FARS2: variants seen among roughly 807,000 people sequenced by gnomAD.
FARS2 encodes phenylalanine--tRNA ligase, mitochondrial.
FARS2 carries 40 observed loss-of-function variants against 46.4 expected under a neutral mutation model. That is an observed-to-expected ratio of 0.86 (90% CI 0.67 to 1.12). The LOEUF (loss-of-function observed/expected upper bound fraction) is 1.12. Among genes scored for constraint, FARS2 ranks in the 50% most tolerant of loss-of-function variants. FARS2 has a pLI of 0.00. For synonymous variants in FARS2, 234 were observed against 214.9 expected (o/e 1.09, Z -0.78); for missense variants, 513 against 567.9 (o/e 0.90, Z 0.98).
chr6:5,419,058 A>G (rs1440921532), intron 3 of FARS2, among the ~76,000 whole-genome samples: 1 of 151,714 alleles, frequency 6.6e-6, no homozygotes, highest in Admixed American at 6.6e-5. Flanking sequence ...TTATATTCTT[A>G]CATCTCTCTC....
intron 5 of FARS2, among the ~76,000 whole-genome samples, chr6:5,585,697 T>A (rs1773575047): frequency 1.3e-5 from 2 of 151,768 alleles, no homozygotes; most frequent in Admixed American, 6.6e-5. Context: ...AATATCCCAT[T>A]ATATATAATA....
At chr6:5,525,705 A>T (rs1769421450) in intron 4 of FARS2, among the ~76,000 whole-genome samples, 1 of 152,272 alleles carries the variant, frequency 6.6e-6, no homozygotes, top group African/African-American at 2.4e-5. Context: ...TGCCCTTAAG[A>T]TACTTGGGAA....
chr6:5,429,889 C>T (rs1289637689), intron 3 of FARS2, among the ~76,000 whole-genome samples: 1 of 151,238 alleles, frequency 6.6e-6, no homozygotes, highest in East Asian at 1.9e-4. Context: ...GGCACAGTGG[C>T]CCAGTCACCT....
In FARS2 at chr6:5,675,199, G is replaced by GACACACAC. The variant is rs3057239; in HGVS notation, c.1217+61912_1217+61919dup. Among the ~76,000 whole-genome samples, 457 of 145,056 alleles carry GACACACAC rather than the reference G, an allele frequency of 3.2e-3. 2 individuals are homozygous for GACACACAC. Among genetic ancestry groups the GACACACAC allele is most frequent in the African/African-American group, 0.01 (406 of 39,074 alleles). On this transcript the variant is annotated intron_variant, in intron 6 of 6. Coordinates refer to ENST00000274680, the MANE Select transcript of FARS2 (RefSeq NM_006567.5). ...TAAAAATGCGTTATATTTGCAGATA[G>GACACACAC]ACACACACACACACACACACACACA...
At chr6:5,439,326 GACT>G (rs1412159110) in intron 4 of FARS2, among the ~76,000 whole-genome samples, 1 of 152,180 alleles carries the variant, frequency 6.6e-6, no homozygotes, top group Non-Finnish European at 1.5e-5. Flanking sequence ...CATACCCTCA[GACT>G]CCTCAACTCG....
chr6:5,269,291 G>A (rs1765776376), intron 1 of FARS2, among the ~76,000 whole-genome samples: 1 of 148,748 alleles, frequency 6.7e-6, no homozygotes, highest in Admixed American at 6.8e-5. Context: ...TGAACAACGA[G>A]AACACTTGGA....
intron 3 of FARS2, among the ~76,000 whole-genome samples, chr6:5,429,308 A>C (rs1260863405): frequency 6.6e-6 from 1 of 152,242 alleles, no homozygotes; most frequent in Non-Finnish European, 1.5e-5. Flanking sequence ...GTAAACAGAA[A>C]TCAGTTGACA....
chr6:5,658,111 C>T (rs1231593649), intron 6 of FARS2, among the ~76,000 whole-genome samples: 1 of 152,084 alleles, frequency 6.6e-6, no homozygotes. Context: ...ACAAAGTTTG[C>T]TGGGCGTGGT....
intron 4 of FARS2, among the ~76,000 whole-genome samples, chr6:5,441,683 T>G (rs1445884358): frequency 1.3e-5 from 2 of 152,248 alleles, no homozygotes; most frequent in Non-Finnish European, 2.9e-5. Context: ...GATTTTCTTT[T>G]TGCTATTACA....
Position 5,493,326 on chromosome 6 carries a change from C to T in FARS2, c.905-51854C>T, listed in dbSNP as rs114604702. 9.5e-3 allele frequency among the ~76,000 whole-genome samples: 1,451 copies of T among 152,172 alleles called. 26 individuals carry two copies. Among genetic ancestry groups the T allele is most frequent in the African/African-American group, 0.032 (1,336 of 41,498 alleles). ...TCATTCTCATTTATTCCTCTTTTCT[C>T]CACTTAGAATTTAACATTCTAGAAG... On this transcript the variant is annotated intron_variant, in intron 4 of 6. Transcript: ENST00000274680.
chr6:5,492,747 A>C (rs1233907790), intron 4 of FARS2, among the ~76,000 whole-genome samples: 1 of 152,262 alleles, frequency 6.6e-6, no homozygotes, highest in Non-Finnish European at 1.5e-5. Flanking sequence ...CTCATATTCC[A>C]GGGAGTCCCA....
At position 5,369,169 on chromosome 6, in the gene FARS2, T is replaced by C; in HGVS notation, c.599T>C (p.Phe200Ser). Residue 200 changes from phenylalanine to serine, a missense_variant, in exon 2 of 7, where the codon TTC (phenylalanine) becomes TCC (serine). Phe to Ser is a radical substitution (Grantham distance 155, BLOSUM62 -2). Coordinates refer to ENST00000274680, the MANE Select transcript of FARS2 (RefSeq NM_006567.5). ...CACCAGCTGGAGGCCGTGCGGCTCT[T>C]CTCCAAGCATGAGGTGAGTCTTGAG... ...IFHQLEAVRL[F>S]SKHELFAGIK... is the part of the protein sequence containing the mutation. 1 of 1,606,734 alleles carries C rather than the reference T, an allele frequency of 6.2e-7. No homozygotes were observed.
chr6:5,431,269 T>C (rs1023386141), intron 4 of FARS2, 97 bp downstream of exon 4: 2 of 1,242,078 alleles, frequency 1.6e-6, no homozygotes, highest in Non-Finnish European at 2.3e-6. Context: ...TACATACTTC[T>C]ATGCGGGCAG....
rs544642482 is a variant in FARS2, at chr6:5,547,063, C to T, written c.1065+1723C>T. Among the ~76,000 whole-genome samples the T allele has an allele frequency of 7.2e-4, 110 of 151,964 alleles. 1 individual carries two copies. Among genetic ancestry groups the T allele is most frequent in the Non-Finnish European group, 1.1e-3 (74 of 67,956 alleles). On this transcript the variant is annotated intron_variant, in intron 5 of 6. Transcript: ENST00000274680. ...GCCTCCTGGATTCAAGCAATTCTCCCACCTCAGCCTCCCGAGTAGCTGGGA... is the reference window on the plus strand; with the variant it reads ...GCCTCCTGGATTCAAGCAATTCTCCTACCTCAGCCTCCCGAGTAGCTGGGA...
chr6:5,530,314 C>T (rs1769741594), intron 4 of FARS2, among the ~76,000 whole-genome samples: 1 of 151,950 alleles, frequency 6.6e-6, no homozygotes, highest in Non-Finnish European at 1.5e-5. Context: ...ATGTCAATGT[C>T]TTATAAGATA....
At chr6:5,410,725 T>C (rs565258542) in intron 3 of FARS2, among the ~76,000 whole-genome samples, 11 of 152,354 alleles carry the variant, frequency 7.2e-5, no homozygotes, top group African/African-American at 2.6e-4. Flanking sequence ...TTGACGTGCA[T>C]CTATGATATG....
chr6:5,414,078 C>T (rs1271604606), intron 3 of FARS2, among the ~76,000 whole-genome samples: 1 of 152,190 alleles, frequency 6.6e-6, no homozygotes, highest in Non-Finnish European at 1.5e-5. Context: ...TGGAAACTTA[C>T]TGTCCTTTTC....
Position 5,599,886 on chromosome 6 carries a change from C to CT in FARS2, c.1066-13270dup, listed in dbSNP as rs571022826. On this transcript the variant is annotated intron_variant, in intron 5 of 6. Transcript: ENST00000274680. ...TAACAAAGATTTCTCAGGCTTGCTT[C>CT]TTTTTTTTTTTTTGTGAAAAAGCAT... 8.0e-3 allele frequency among the ~76,000 whole-genome samples: 1,143 copies of CT among 143,606 alleles called. 5 individuals are homozygous for CT. The highest frequency in any genetic ancestry group is 0.026 in the East Asian group (130 of 4,980). The allele number at this position is 143,606 out of a possible 152,430, so 94.2% of individuals were successfully genotyped here. A position where few individuals can be genotyped will look rare whatever the true frequency, so the allele number is the denominator to read the frequency against.
At chr6:5,274,494 C>T (rs1055103507) in intron 1 of FARS2, among the ~76,000 whole-genome samples, 2 of 152,148 alleles carry the variant, frequency 1.3e-5, no homozygotes, top group African/African-American at 4.8e-5. Flanking sequence ...GTCATCTTCT[C>T]CCCTGCTTGG....
Sources: allele counts gnomAD v4.1 joint callset (sites outside exome capture counted in the v4.1 genomes callset), GRCh38; gene constraint gnomAD v4.1.1; transcripts MANE v1.5; gene names NCBI Gene and HGNC (gene_info 2026-07-23, HGNC 2026-07-21).